Variants in PKIB observed in about 807,000 individuals in gnomAD.
PKIB encodes PKI-beta.
PKIB carries 2 observed loss-of-function variants against 4.5 expected under a neutral mutation model. That is an observed-to-expected ratio of 0.44 (90% CI 0.18 to 1.39). The LOEUF (loss-of-function observed/expected upper bound fraction) is 1.39. Among genes scored for constraint, PKIB ranks in the 40% most tolerant of loss-of-function variants. The pLI is 0.27. For synonymous variants in PKIB, 38 were observed against 36.0 expected (o/e 1.06, Z -0.20); for missense variants, 94 against 92.6 (o/e 1.02, Z -0.06).
chr6:122,626,511 A>G (rs548503715), intron 1 of PKIB, among the ~76,000 whole-genome samples: 11 of 152,216 alleles, frequency 7.2e-5, no homozygotes, highest in Non-Finnish European at 1.5e-4. Context: ...GGCAGAGATT[A>G]TGATTAATAA....
chr6:122,698,261 A>C (rs1468814869), intron 3 of PKIB, among the ~76,000 whole-genome samples: 1 of 152,164 alleles, frequency 6.6e-6, no homozygotes, highest in Non-Finnish European at 1.5e-5. Context: ...TAGGAAAGGG[A>C]TGACTTCCCC....
chr6:122,501,696 A>G (rs531544246), intron 2 of PKIB, among the ~76,000 whole-genome samples: 11 of 152,254 alleles, frequency 7.2e-5, no homozygotes, highest in African/African-American at 2.6e-4. Context: ...CAGGCCTATG[A>G]TGGAAGGGGC....
chr6:122,546,115 A>G (rs1489504780), intron 2 of PKIB, among the ~76,000 whole-genome samples: 1 of 152,106 alleles, frequency 6.6e-6, no homozygotes, highest in Non-Finnish European at 1.5e-5. Context: ...AGCTGAGGCA[A>G]ATCAGGTCTT....
In PKIB at chr6:122,483,309, T is replaced by A. The variant is rs554291910; in HGVS notation, c.-248+5370T>A. 621 of 152,282 alleles carry A rather than the reference T, an allele frequency of 4.1e-3. 5 individuals carry two copies. Among genetic ancestry groups the A allele is most frequent in the African/African-American group, 0.014 (562 of 41,566 alleles). 9.4% of individuals were successfully genotyped at this position (152,282 alleles called of 1,614,324 possible). A position where few individuals can be genotyped will look rare whatever the true frequency, so the allele number is the denominator to read the frequency against. The stretch of plus-strand genomic sequence containing the variant: ...TCAATTTTTGATTATGGGAGAGTAA[T>A]AATCCTTTATTACAAGTTGAAACAT... On this transcript the variant is annotated intron_variant, in intron 2 of 6. Coordinates refer to the PKIB transcript ENST00000392491.
At chr6:122,637,114 A>G (rs1775945210) in intron 2 of PKIB, among the ~76,000 whole-genome samples, 1 of 152,224 alleles carries the variant, frequency 6.6e-6, no homozygotes. Context: ...ATAGATTGGC[A>G]AATAATTTCA....
intron 2 of PKIB, among the ~76,000 whole-genome samples, chr6:122,490,659 G>GA (rs754524429): frequency 3.3e-5 from 5 of 152,126 alleles, no homozygotes; most frequent in Non-Finnish European, 5.9e-5. Context: ...CTTCCACCAT[G>GA]AGTGTAAGCT....
intron 3 of PKIB, among the ~76,000 whole-genome samples, chr6:122,589,121 C>T (rs973817924): frequency 2.6e-5 from 4 of 152,052 alleles, no homozygotes; most frequent in African/African-American, 7.2e-5. Context: ...TCAATATCTA[C>T]CCTAGAGTAA....
intron 3 of PKIB, among the ~76,000 whole-genome samples, chr6:122,704,163 C>T (rs1209284905): frequency 6.6e-6 from 1 of 151,996 alleles, no homozygotes; most frequent in African/African-American, 2.4e-5. Context: ...TGAAGACAGG[C>T]AGAGAAAGAA....
chr6:122,684,377 GA>G (rs1778015092), intron 3 of PKIB, among the ~76,000 whole-genome samples: 1 of 151,974 alleles, frequency 6.6e-6, no homozygotes, highest in African/African-American at 2.4e-5. Flanking sequence ...AAATTGGGAG[GA>G]AAAAAACACT....
intron 2 of PKIB, among the ~76,000 whole-genome samples, chr6:122,537,415 T>C (rs1777441247): frequency 6.6e-6 from 1 of 151,912 alleles, no homozygotes; most frequent in South Asian, 2.1e-4. Flanking sequence ...GAACATGCGG[T>C]TTTTTGTGAG....
intron 2 of PKIB, among the ~76,000 whole-genome samples, chr6:122,568,191 A>G (rs1361021509): frequency 2.0e-5 from 3 of 152,202 alleles, no homozygotes; most frequent in African/African-American, 7.2e-5. Context: ...AGCAAATTTA[A>G]TTTAAAGTAA....
At chr6:122,535,315 C>T (rs148923474) in intron 2 of PKIB, among the ~76,000 whole-genome samples, 131 of 152,258 alleles carry the variant, frequency 8.6e-4, no homozygotes, top group African/African-American at 3.0e-3. Flanking sequence ...ATTAGTAAAT[C>T]ACTGGCTGCT....
At chr6:122,607,085 A>AT (rs1554223788), upstream of PKIB, among the ~76,000 whole-genome samples, 40 of 150,206 alleles carry the variant, frequency 2.7e-4, no homozygotes, top group African/African-American at 9.2e-4. Context: ...GTAAAAAAAA[A>AT]AATAATAATA....
chr6:122,566,640 C>CCCTTCCTTCCTG (rs1208016452), intron 2 of PKIB, among the ~76,000 whole-genome samples: 24 of 145,236 alleles, frequency 1.7e-4, no homozygotes, highest in African/African-American at 6.0e-4. Flanking sequence ...CTCCCTCCCT[C>CCCTTCCTTCCTG]CCTTCCTTCC....
At chr6:122,537,850 A>G (rs936260413) in intron 2 of PKIB, among the ~76,000 whole-genome samples, 6 of 151,794 alleles carry the variant, frequency 4.0e-5, no homozygotes, top group African/African-American at 1.5e-4. Context: ...TTGTTTCCTG[A>G]CTTTTTAATG....
At chr6:122,576,689 A>AAAAATATATATATAT (rs1345822382) in intron 2 of PKIB, among the ~76,000 whole-genome samples, 41 of 34,302 alleles carry the variant, frequency 1.2e-3, no homozygotes, top group Non-Finnish European at 1.6e-3. Context: ...AAAAAAAAAA[A>AAAAATATATATATAT]ATATATATAT....
At chr6:122,613,138 G>A (rs60990053) in intron 1 of PKIB, among the ~76,000 whole-genome samples, 31,338 of 152,064 alleles carry the variant, frequency 0.21, 3,868 homozygotes, top group Non-Finnish European at 0.28. Flanking sequence ...TTTCATTAAT[G>A]TCAATTGAAA....
chr6:122,471,980 T>C, exon 1 of PKIB: 1 of 951,576 alleles, frequency 1.1e-6, no homozygotes, highest in Non-Finnish European at 1.5e-6. Flanking sequence ...TCTCAAGGAC[T>C]GCTGGCTGGA....
chr6:122,622,044 AAGG>A (rs1775252179), intron 1 of PKIB, among the ~76,000 whole-genome samples: 1 of 152,208 alleles, frequency 6.6e-6, no homozygotes, highest in African/African-American at 2.4e-5. Flanking sequence ...GTGTGGAACT[AAGG>A]AGAAGTCAAG....
Sources: allele counts gnomAD v4.1 joint callset (sites outside exome capture counted in the v4.1 genomes callset), GRCh38; gene constraint gnomAD v4.1.1; transcripts MANE v1.5; gene names NCBI Gene and HGNC (gene_info 2026-07-23, HGNC 2026-07-21).